TMEM232: variants seen among roughly 807,000 people sequenced by gnomAD.
TMEM232 encodes transmembrane protein 232.
TMEM232 carries 80 observed loss-of-function variants against 78.8 expected under a neutral mutation model. That is an observed-to-expected ratio of 1.01 (90% CI 0.85 to 1.22). The LOEUF (loss-of-function observed/expected upper bound fraction) is 1.22, where lower values mean the gene tolerates loss of function less well. Ranked by LOEUF, TMEM232 falls within the 50% of genes most tolerant of loss-of-function variation. The pLI is 0.00. For missense variants in TMEM232, 881 were observed against 742.2 expected, an observed-to-expected ratio of 1.19 and a Z score of -2.17; for synonymous variants, 297 against 254.3, an observed-to-expected ratio of 1.17 and a Z score of -1.60.
chr5:110,480,851 A>G lies in TMEM232; in HGVS notation c.1703+47737T>C, dbSNP rs181796519. Among the ~76,000 whole-genome samples, 532 of 152,232 alleles carry G rather than the reference A, an allele frequency of 3.5e-3. 4 individuals carry two copies. Among genetic ancestry groups the G allele is most frequent in the African/African-American group, 0.012 (493 of 41,568 alleles). On this transcript the variant is annotated intron_variant, in intron 12 of 13. Transcript: ENST00000455884. Reference sequence around the variant, plus strand: ...CATAAATATCAACCTATTCCATGATAGCATATACACTAAGGAGTGGTCAGT... The same window carrying G: ...CATAAATATCAACCTATTCCATGATGGCATATACACTAAGGAGTGGTCAGT...
intron 12 of TMEM232, among the ~76,000 whole-genome samples, chr5:110,483,869 T>C (rs1355250759): frequency 2.6e-5 from 4 of 152,184 alleles, no homozygotes; most frequent in Admixed American, 2.6e-4. Context: ...TGCATGTTCA[T>C]TATAGCACTA....
chr5:110,665,489 G>T (rs1790441572), intron 2 of TMEM232, among the ~76,000 whole-genome samples: 1 of 152,054 alleles, frequency 6.6e-6, no homozygotes, highest in African/African-American at 2.4e-5. Context: ...CATGGCAGAA[G>T]GGGAAGGGGA....
intron 2 of TMEM232, among the ~76,000 whole-genome samples, chr5:110,402,589 A>T (rs1389107286): frequency 6.6e-6 from 1 of 152,112 alleles, no homozygotes; most frequent in Non-Finnish European, 1.5e-5. Context: ...CAGTGACAGG[A>T]CTTGGGAGAA....
At chr5:110,495,883 T>TA (rs1454730124) in intron 12 of TMEM232, among the ~76,000 whole-genome samples, 1 of 151,438 alleles carries the variant, frequency 6.6e-6, no homozygotes, top group Non-Finnish European at 1.5e-5. Flanking sequence ...ATTCATTAAA[T>TA]AAAAAAGAAA....
chr5:110,437,246 G>T (rs1035674782), intron 12 of TMEM232, among the ~76,000 whole-genome samples: 2 of 151,508 alleles, frequency 1.3e-5, no homozygotes, highest in Non-Finnish European at 2.9e-5. Flanking sequence ...TTTTCAGATT[G>T]TTCATTGCTG....
Position 110,437,332 on chromosome 5 carries a change from G to C in TMEM232, c.1704-12416C>G, listed in dbSNP as rs144899778. Among the ~76,000 whole-genome samples, 71 of 150,884 alleles carry C rather than the reference G, an allele frequency of 4.7e-4. 1 individual carries two copies. In the East Asian group the frequency reaches 0.013, roughly 28 times the overall value. ...AATCTGGATCTAAAACAAAATTATA[G>C]AAAAAAACATACAGTGTAATTTTAT... On this transcript the variant is annotated intron_variant, in intron 12 of 13. Coordinates refer to ENST00000455884, the MANE Select transcript of TMEM232 (RefSeq NM_001039763.4).
chr5:110,601,863 G>C (rs1352995780), intron 10 of TMEM232, among the ~76,000 whole-genome samples: 4 of 152,126 alleles, frequency 2.6e-5, no homozygotes, highest in African/African-American at 7.2e-5. Flanking sequence ...AGAGAACAAA[G>C]CTGGAGGCAT....
intron 1 of TMEM232, among the ~76,000 whole-genome samples, chr5:110,680,388 C>T (rs1432363024): frequency 1.5e-4 from 18 of 116,908 alleles, no homozygotes; most frequent in African/African-American, 6.1e-4. Flanking sequence ...CAGAGTGAGA[C>T]TCTATCTCAA....
intron 3 of TMEM232, among the ~76,000 whole-genome samples, chr5:110,397,391 T>A (rs377412269): frequency 6.6e-6 from 1 of 152,188 alleles, no homozygotes; most frequent in East Asian, 1.9e-4. Flanking sequence ...ATAAGAAATA[T>A]CATCTCCCTA....
At chr5:110,393,402 C>A (rs1755273577) in intron 3 of TMEM232, among the ~76,000 whole-genome samples, 1 of 152,190 alleles carries the variant, frequency 6.6e-6, no homozygotes, top group Admixed American at 6.5e-5. Flanking sequence ...TAATATACCT[C>A]TCTATCCTGC....
chr5:110,443,092 C>T (rs901966012), intron 12 of TMEM232, among the ~76,000 whole-genome samples: 1 of 152,148 alleles, frequency 6.6e-6, no homozygotes, highest in East Asian at 1.9e-4. Context: ...TGGCTACCAC[C>T]TATGTTCATT....
intron 11 of TMEM232, among the ~76,000 whole-genome samples, chr5:110,547,060 C>A (rs554889987): frequency 1.3e-5 from 2 of 151,868 alleles, no homozygotes; most frequent in South Asian, 4.2e-4. Context: ...CTTAATTCAA[C>A]TTAAATAGAA....
At chr5:110,552,072 A>T (rs1033460562) in intron 11 of TMEM232, among the ~76,000 whole-genome samples, 5 of 152,174 alleles carry the variant, frequency 3.3e-5, no homozygotes, top group African/African-American at 1.2e-4. Context: ...TAATAACAAA[A>T]TATATTTTGG....
At chr5:110,576,057 T>G (rs749808256) in intron 10 of TMEM232, among the ~76,000 whole-genome samples, 43 of 152,134 alleles carry the variant, frequency 2.8e-4, no homozygotes, top group Non-Finnish European at 4.9e-4. Context: ...CACAGCACCT[T>G]GCAGGCCATC....
chr5:110,626,452 C>A (rs912534531), intron 6 of TMEM232, among the ~76,000 whole-genome samples: 1 of 152,008 alleles, frequency 6.6e-6, no homozygotes, highest in African/African-American at 2.4e-5. Context: ...ATTGATTAGT[C>A]TCCATAACAC....
At chr5:110,527,833 A>G (rs1028710487) in intron 12 of TMEM232, among the ~76,000 whole-genome samples, 1 of 151,900 alleles carries the variant, frequency 6.6e-6, no homozygotes, top group Admixed American at 6.6e-5. Flanking sequence ...TAGAAAAAAT[A>G]TAACAATATA....
At position 110,568,497 on chromosome 5, in the gene TMEM232, T is replaced by C; in HGVS notation, c.1405A>G (p.Lys469Glu). The C allele has an allele frequency of 6.5e-7, 1 of 1,549,098 alleles. No individual in the cohort carries two copies. The highest frequency in any genetic ancestry group is 8.7e-7 in the Non-Finnish European group (1 of 1,145,502). The change falls in exon 11 of 14, where the codon AAG (lysine) becomes GAG (glutamate). Residue 469 changes from lysine to glutamate, a missense_variant. Transcript: ENST00000455884. ...ATTCGTACATCTTCCTCATAATCCT[T>C]TGTTTTCTGCAATGTTTGCCATATC... ...NMIWQTLQKT[K>E]DYEEDVRIQN...
chr5:110,579,150 A>G (rs1777888541), intron 10 of TMEM232, among the ~76,000 whole-genome samples: 1 of 151,620 alleles, frequency 6.6e-6, no homozygotes, highest in East Asian at 1.9e-4. Context: ...CTACCCAAAG[A>G]TTTTTTTAAG....
In TMEM232 at chr5:110,619,688, G is replaced by C. The variant is rs142474266; in HGVS notation, c.769-1126C>G. Among the ~76,000 whole-genome samples the C allele has an allele frequency of 9.8e-3, 1,485 of 152,196 alleles. 34 individuals are homozygous for C. Among genetic ancestry groups the C allele is most frequent in the African/African-American group, 0.033 (1,387 of 41,538 alleles). ...TAACTCAATTTTCTGCTTTATGGTA[G>C]GGTCTACCCCAAAACTGGAACCCAT... On this transcript the variant is annotated intron_variant, in intron 7 of 13. Transcript: ENST00000455884.
Sources: gnomAD v4.1 joint callset for allele counts (sites outside exome capture counted in the v4.1 genomes callset) on GRCh38, gnomAD v4.1.1 for gene constraint, MANE v1.5 for transcripts, NCBI Gene and HGNC (gene_info 2026-07-23, HGNC 2026-07-21) for gene names.